The following NBEA variants were observed in gnomAD, a reference collection of about 807,000 sequenced individuals.
NBEA encodes lysosomal-trafficking regulator 2.
In NBEA, 44 loss-of-function variants were observed where a neutral mutation model predicts 343.4. The observed-to-expected ratio is 0.13, with a 90% CI of 0.10 to 0.16. The LOEUF is 0.16. Ranked by LOEUF, NBEA falls within the 10% of genes least tolerant of loss-of-function variation. NBEA has a pLI of 1.00. For missense variants in NBEA, 2,555 were observed against 3,631.3 expected (o/e 0.70, Z 7.62); for synonymous variants, 1,175 against 1,238.7 (o/e 0.95, Z 1.08).
chr13:35,012,117 A>G (rs1162796312), intron 1 of NBEA, among the ~76,000 whole-genome samples: 1 of 152,218 alleles, frequency 6.6e-6, no homozygotes, highest in African/African-American at 2.4e-5. Context: ...TTATGCCACT[A>G]TAATAGAATA....
intron 30 of NBEA, among the ~76,000 whole-genome samples, chr13:35,187,438 G>A (rs1305929970): frequency 6.7e-6 from 1 of 149,948 alleles, no homozygotes; most frequent in East Asian, 1.9e-4. Context: ...ATACAACATA[G>A]TAACAGTAAG....
intron 31 of NBEA, among the ~76,000 whole-genome samples, chr13:35,206,212 A>G (rs1244412258): frequency 1.3e-5 from 2 of 152,042 alleles, no homozygotes; most frequent in Non-Finnish European, 2.9e-5. Context: ...CTTATTTCTC[A>G]TAGCTTCCAC....
At position 35,550,603 on chromosome 13, in the gene NBEA, C is replaced by A. The variant is rs1256877523; in HGVS notation, c.6703+9C>A. 6.5e-7 allele frequency: 1 copy of A among 1,539,454 alleles called. No individual in the cohort carries two copies. ...ATTTATGGCAAACCGAAGTAAGTCC[C>A]CTTAATATTTTGAAAGAAAATGTGC... On this transcript the variant is annotated intron_variant, in intron 42 of 58. Coordinates refer to ENST00000379939, the MANE Select transcript of NBEA (RefSeq NM_001385012.1).
chr13:35,147,316 A>G (rs2068494299), intron 18 of NBEA, among the ~76,000 whole-genome samples: 1 of 152,206 alleles, frequency 6.6e-6, no homozygotes, highest in Admixed American at 6.5e-5. Flanking sequence ...TGTTATGAAT[A>G]TCTCCCCAAG....
In NBEA at chr13:35,555,167, C is replaced by T. The variant is rs2079521250; in HGVS notation, c.6922+65C>T. The T allele has an allele frequency of 5.9e-6, 5 of 844,216 alleles. No homozygotes were observed. The South Asian group carries it at 9.9e-5, about 17-fold the overall frequency. The allele number at this position is 844,216 out of a possible 1,614,324, so 52.3% of individuals were successfully genotyped here. On this transcript the variant is annotated intron_variant, in intron 44 of 58. Coordinates refer to ENST00000379939, the MANE Select transcript of NBEA (RefSeq NM_001385012.1). The stretch of plus-strand genomic sequence containing the variant: ...TTCATCAAAATCATGGTAATGTAGC[C>T]TGATATAATACATTTTTCTCTTTGG...
intron 45 of NBEA, among the ~76,000 whole-genome samples, chr13:35,583,530 T>A (rs1056618459): frequency 6.6e-6 from 1 of 152,152 alleles, no homozygotes; most frequent in Admixed American, 6.5e-5. Flanking sequence ...TCACCTTCCC[T>A]CCATTGGGTT....
intron 17 of NBEA, among the ~76,000 whole-genome samples, chr13:35,138,882 C>T (rs1310946179): frequency 3.3e-5 from 5 of 151,916 alleles, no homozygotes; most frequent in Non-Finnish European, 7.4e-5. Flanking sequence ...TTCCTCTCAT[C>T]CTGTCATTTA....
At chr13:35,498,269 C>T (rs2076758328) in intron 41 of NBEA, among the ~76,000 whole-genome samples, 1 of 151,854 alleles carries the variant, frequency 6.6e-6, no homozygotes. Context: ...TTTTATATGT[C>T]CAGTAAGAGT....
intron 1 of NBEA, among the ~76,000 whole-genome samples, chr13:34,946,394 G>A (rs1004158589): frequency 4.6e-5 from 7 of 151,986 alleles, no homozygotes; most frequent in East Asian, 1.9e-4. Context: ...TGTAAGTATC[G>A]TGTTATTGTT....
rs937951898 is a variant in NBEA, at chr13:35,672,595, A to T, written c.*1604A>T. 7.9e-5 allele frequency: 12 copies of T among 152,692 alleles called. No individual in the cohort carries two copies. The highest frequency in any genetic ancestry group is 1.6e-4 in the Non-Finnish European group (11 of 68,044). 9.5% of individuals were successfully genotyped at this position (152,692 alleles called of 1,614,324 possible). On this transcript the variant is annotated 3_prime_UTR_variant, in exon 59 of 59. Coordinates refer to ENST00000379939, the MANE Select transcript of NBEA (RefSeq NM_001385012.1). ...AACATCTGGAAGACAAGTTCATTTCATCTTGAGATCATGGTGAAATATTTT... is the reference window on the plus strand; with the variant it reads ...AACATCTGGAAGACAAGTTCATTTCTTCTTGAGATCATGGTGAAATATTTT...
intron 4 of NBEA, among the ~76,000 whole-genome samples, chr13:35,047,394 T>C (rs1241671522): frequency 5.9e-5 from 9 of 152,070 alleles, no homozygotes; most frequent in Non-Finnish European, 1.3e-4. Context: ...GAGTTATAAA[T>C]GATACTGTAG....
intron 41 of NBEA, among the ~76,000 whole-genome samples, chr13:35,481,366 C>G (rs747556763): frequency 1.6e-4 from 24 of 151,568 alleles, no homozygotes; most frequent in Non-Finnish European, 3.0e-4. Flanking sequence ...AAATTTAAAG[C>G]CTGGCTTATT....
At chr13:35,467,217 T>G (rs891271508) in intron 40 of NBEA, among the ~76,000 whole-genome samples, 1 of 152,182 alleles carries the variant, frequency 6.6e-6, no homozygotes, top group Non-Finnish European at 1.5e-5. Context: ...CTCAGACCTG[T>G]AATCCCAGCA....
chr13:34,998,031 A>C (rs1238838100), intron 1 of NBEA, among the ~76,000 whole-genome samples: 1 of 152,098 alleles, frequency 6.6e-6, no homozygotes, highest in Non-Finnish European at 1.5e-5. Flanking sequence ...CCGATATTTC[A>C]CATAGGTTCT....
chr13:35,655,273 A>T (rs1240363305), intron 54 of NBEA, among the ~76,000 whole-genome samples: 1 of 152,138 alleles, frequency 6.6e-6, no homozygotes, highest in African/African-American at 2.4e-5. Flanking sequence ...AAGATCCTAA[A>T]ACTCCCCTTG....
rs56718622 is a variant in NBEA at position 35,231,311 on chromosome 13, A to T, written c.5649-1181A>T. 4.6e-4 allele frequency among the ~76,000 whole-genome samples: 70 copies of T among 152,260 alleles called. 1 individual carries two copies. The South Asian group carries it at 0.014, about 31-fold the overall frequency. On this transcript the variant is annotated intron_variant, in intron 33 of 58. Coordinates refer to ENST00000379939, the MANE Select transcript of NBEA (RefSeq NM_001385012.1). ...TAATAGCTATTTAATTGCTTAAAAA[A>T]TTTAAAAAGAGGCCATAGTTTAGTT...
At chr13:35,481,117 T>C (rs2076103338) in intron 41 of NBEA, among the ~76,000 whole-genome samples, 1 of 152,000 alleles carries the variant, frequency 6.6e-6, no homozygotes, top group Admixed American at 6.5e-5. Flanking sequence ...TTTGCCTCAG[T>C]TTTCTTCATC....
intron 40 of NBEA, among the ~76,000 whole-genome samples, chr13:35,455,859 A>G (rs1052581820): frequency 1.3e-5 from 2 of 152,086 alleles, no homozygotes; most frequent in South Asian, 2.1e-4. Context: ...TTGCAAATAC[A>G]TAGTATATGG....
intron 18 of NBEA, among the ~76,000 whole-genome samples, chr13:35,146,412 C>T (rs2068426841): frequency 6.6e-6 from 1 of 152,112 alleles, no homozygotes; most frequent in Non-Finnish European, 1.5e-5. Context: ...CCTGCCATGT[C>T]GAGTTACCCA....
Sources: allele counts gnomAD v4.1 joint callset (sites outside exome capture counted in the v4.1 genomes callset), GRCh38; gene constraint gnomAD v4.1.1; transcripts MANE v1.5; gene names NCBI Gene and HGNC (gene_info 2026-07-23, HGNC 2026-07-21).